The following THADA variants were observed in gnomAD, a reference collection of about 807,000 sequenced individuals.
THADA encodes the protein THADA armadillo repeat containing, also known as tRNA (32-2'-O)-methyltransferase regulator THADA.
Under a neutral mutation model 219.8 loss-of-function variants are expected in THADA, and 213 were observed. The ratio of observed to expected loss-of-function variants is 0.97; its 90% CI spans 0.87 to 1.09. The LOEUF (loss-of-function observed/expected upper bound fraction) is 1.09, where lower values mean the gene tolerates loss of function less well. THADA is among the 50% of genes least tolerant of loss of function. The pLI is 0.00. For synonymous variants in THADA, 1,018 were observed against 828.9 expected (o/e 1.23, Z -3.92); for missense variants, 2,956 against 2,311.3 (o/e 1.28, Z -5.72).
At chr2:43,350,312 A>G (rs746977500) in intron 29 of THADA, among the ~76,000 whole-genome samples, 1 of 152,236 alleles carries the variant, frequency 6.6e-6, no homozygotes, top group Non-Finnish European at 1.5e-5. Context: ...AAACAAGCCC[A>G]ATCACATCAC....
At position 43,581,906 on chromosome 2, in the gene THADA, T is replaced by C. The variant is rs1026918286; in HGVS notation, c.556A>G (p.Ile186Val). The change falls in exon 8 of 38, where the codon ATT becomes GTT. Residue 186 changes from isoleucine (I) to valine (V), a missense_variant. Transcript: ENST00000405975. ...ENRKCAGNHI[I>V]QTQLMNDLLV... ...AAGTCATTCATCAACTGTGTTTGAATAATATGATTTCCAGCACATTTTCTA... is the reference window on the plus strand; with the variant it reads ...AAGTCATTCATCAACTGTGTTTGAACAATATGATTTCCAGCACATTTTCTA... 3 of 1,548,344 alleles carry C rather than the reference T, an allele frequency of 1.9e-6. No individual in the cohort carries two copies. In the African/African-American group the frequency reaches 4.2e-5, roughly 22 times the overall value.
In THADA at chr2:43,279,778, G is replaced by A; in HGVS notation, c.5283C>T (p.Thr1761=). The change falls in exon 36 of 38, where the codon ACC becomes ACT. Residue 1761 remains threonine, a synonymous_variant. Transcript: ENST00000405975. ...TVTTAMSQEN[T]CQSTEFAFCQ... The stretch of plus-strand genomic sequence containing the variant: ...AGAACGAGGTACCTGTTGACTGGCA[G>A]GTATTTTCTTGTGACATGGCAGTTG... 6.5e-7 allele frequency: 1 copy of A among 1,549,572 alleles called. No homozygotes were observed. The highest frequency in any genetic ancestry group is 8.7e-7 in the Non-Finnish European group (1 of 1,146,370).
At chr2:43,435,389 G>A (rs900862362) in intron 26 of THADA, among the ~76,000 whole-genome samples, 17 of 151,750 alleles carry the variant, frequency 1.1e-4, no homozygotes, top group Non-Finnish European at 2.1e-4. Context: ...AATCTGGGAG[G>A]TGGAGGTTGA....
At chr2:43,243,007 G>A (rs1281552107) in intron 36 of THADA, among the ~76,000 whole-genome samples, 3 of 152,188 alleles carry the variant, frequency 2.0e-5, no homozygotes, top group Non-Finnish European at 4.4e-5. Flanking sequence ...AGGGAGCACT[G>A]GTATACTGGA....
Position 43,320,469 on chromosome 2 carries a change from C to A in THADA, c.4415G>T (p.Arg1472Ile), listed in dbSNP as rs1678573772. 1.2e-6 allele frequency: 2 copies of A among 1,613,196 alleles called. No individual in the cohort carries two copies. The highest frequency in any genetic ancestry group is 1.7e-6 in the Non-Finnish European group (2 of 1,179,496). Residue 1472 changes from arginine to isoleucine, a missense_variant, in exon 31 of 38, where the codon AGA becomes ATA. By Grantham distance (97) the Arg-to-Ile change is moderately conservative. Coordinates refer to ENST00000405975, the MANE Select transcript of THADA (RefSeq NM_022065.5). ...ACCTGGCTGGTTGTCCTTTGCAGAT[C>A]TGTTGAGGCAGCAAGTCAATAGGAA... ...ILFLLTCCLNRSAKDNQPVLE... is the reference protein window; with the variant it reads ...ILFLLTCCLNISAKDNQPVLE...
chr2:43,331,799 T>C (rs995261258), intron 30 of THADA, among the ~76,000 whole-genome samples: 1 of 152,188 alleles, frequency 6.6e-6, no homozygotes, highest in Non-Finnish European at 1.5e-5. Context: ...TTAGTCCACA[T>C]TCTTTTCTGA....
chr2:43,577,828 T>C (rs1700018660), intron 9 of THADA, among the ~76,000 whole-genome samples: 1 of 152,182 alleles, frequency 6.6e-6, no homozygotes, highest in Non-Finnish European at 1.5e-5. Flanking sequence ...CAATAAAGAA[T>C]ACATTTATCA....
chr2:43,420,593 C>T (rs184446229), intron 28 of THADA, among the ~76,000 whole-genome samples: 268 of 152,272 alleles, frequency 1.8e-3, no homozygotes, highest in Non-Finnish European at 2.8e-3. Flanking sequence ...TGAAGAAAAG[C>T]TGGTCCCTAC....
rs70963389 is a variant in THADA at position 43,248,164 on chromosome 2, T to TAG, written c.5297-15284_5297-15283dup. On this transcript the variant is annotated intron_variant, in intron 36 of 37. Transcript: ENST00000405975. Reference sequence around the variant, plus strand: ...ATATATATATATATATATATATATATAGAGAGAGAGAGAGAGAGAGAGAGA... The same window carrying TAG: ...ATATATATATATATATATATATATATAGAGAGAGAGAGAGAGAGAGAGAGAGA... 1.9e-3 allele frequency among the ~76,000 whole-genome samples: 77 copies of TAG among 40,946 alleles called. 1 individual carries two copies. Among genetic ancestry groups the TAG allele is most frequent in the East Asian group, 3.9e-3 (5 of 1,284 alleles). The allele number at this position is 40,946 out of a possible 152,430, so 26.9% of individuals were successfully genotyped here. A position where few individuals can be genotyped will look rare whatever the true frequency, so the allele number is the denominator to read the frequency against.
intron 26 of THADA, among the ~76,000 whole-genome samples, chr2:43,434,402 G>C: frequency 6.6e-6 from 1 of 152,198 alleles, no homozygotes; most frequent in Non-Finnish European, 1.5e-5. Context: ...GGTGAAGACA[G>C]GCACTCCTGC....
intron 29 of THADA, among the ~76,000 whole-genome samples, chr2:43,381,067 C>T (rs535850513): frequency 1.4e-5 from 2 of 138,430 alleles, no homozygotes; most frequent in South Asian, 2.3e-4. Flanking sequence ...CACTACACTC[C>T]AGCCCGGGCG....
intron 19 of THADA, among the ~76,000 whole-genome samples, chr2:43,549,873 TAGAA>T (rs1215106638): frequency 6.6e-6 from 1 of 152,076 alleles, no homozygotes; most frequent in Non-Finnish European, 1.5e-5. Context: ...AGTTTAAAGA[TAGAA>T]AGGTAAAAAG....
chr2:43,374,807 A>G (rs1042598056), intron 29 of THADA, among the ~76,000 whole-genome samples: 1 of 152,162 alleles, frequency 6.6e-6, no homozygotes, highest in Non-Finnish European at 1.5e-5. Flanking sequence ...AAATTGATTT[A>G]AAGTTCATAA....
At chr2:43,508,545 G>T in intron 23 of THADA, 103 bp downstream of exon 23, 2 of 1,150,008 alleles carry the variant, frequency 1.7e-6, no homozygotes, top group Non-Finnish European at 2.4e-6. Context: ...AGACAGAAAT[G>T]TCCTTTATGT....
intron 18 of THADA, 26 bp from the exon 19 acceptor site, chr2:43,551,951 T>A: frequency 5.7e-6 from 9 of 1,586,188 alleles, no homozygotes; most frequent in Non-Finnish European, 7.7e-6. Flanking sequence ...TAGGGAAATT[T>A]ATACTAAAAG....
At chr2:43,587,285 A>C (rs943942514) in intron 4 of THADA, among the ~76,000 whole-genome samples, 1 of 152,106 alleles carries the variant, frequency 6.6e-6, no homozygotes, top group African/African-American at 2.4e-5. Flanking sequence ...AAAACCTCCA[A>C]CAATATCCTT....
chr2:43,505,660 C>T lies in THADA; in HGVS notation c.3583G>A (p.Ala1195Thr), dbSNP rs1279891208. The T allele has an allele frequency of 6.3e-7, 1 of 1,597,294 alleles. No individual in the cohort carries two copies. The highest frequency in any genetic ancestry group is 8.5e-7 in the Non-Finnish European group (1 of 1,170,794). The change falls in exon 24 of 38, where the codon GCT becomes ACT. Residue 1195 changes from alanine to threonine, a missense_variant. Transcript: ENST00000405975. ...KITMKELISLAGPTDDIQSTV... is the reference protein window; with the variant it reads ...KITMKELISLTGPTDDIQSTV... Reference sequence around the variant, plus strand: ...CTCTGTATGTCATCTGTAGGCCCAGCCAAAGAGATTAACTCTTTCATTGTT... The same window carrying T: ...CTCTGTATGTCATCTGTAGGCCCAGTCAAAGAGATTAACTCTTTCATTGTT...
intron 16 of THADA, among the ~76,000 whole-genome samples, chr2:43,557,731 G>C (rs1697554259): frequency 6.6e-6 from 1 of 152,152 alleles, no homozygotes; most frequent in Admixed American, 6.5e-5. Flanking sequence ...TCAGGGTTTG[G>C]CTGCTCAATA....
intron 36 of THADA, among the ~76,000 whole-genome samples, chr2:43,262,467 T>C (rs1671066838): frequency 6.6e-6 from 1 of 151,950 alleles, no homozygotes; most frequent in African/African-American, 2.4e-5. Context: ...GGCCTGCCAA[T>C]CAGTCTGGAC....
Sources: gnomAD v4.1 joint callset for allele counts (sites outside exome capture counted in the v4.1 genomes callset) on GRCh38, gnomAD v4.1.1 for gene constraint, MANE v1.5 for transcripts, NCBI Gene and HGNC (gene_info 2026-07-23, HGNC 2026-07-21) for gene names.